Variants in FRS2 observed in about 807,000 individuals in gnomAD.
FRS2 encodes the protein fibroblast growth factor receptor substrate 2, also known as FGFR signalling adaptor.
Under a neutral mutation model 43.9 loss-of-function variants are expected in FRS2, and 8 were observed. The observed-to-expected ratio is 0.18, with a 90% confidence interval of 0.11 to 0.33. FRS2 has a LOEUF of 0.33. Ranked by LOEUF, FRS2 falls within the 10% of genes least tolerant of loss-of-function variation. The pLI is 1.00. For synonymous variants in FRS2, 219 were observed against 220.3 expected, an observed-to-expected ratio of 0.99 and a Z score of 0.05; for missense variants, 534 against 627.6, an observed-to-expected ratio of 0.85 and a Z score of 1.59.
At chr12:69,517,572 C>G (rs1433620375) in intron 1 of FRS2, among the ~76,000 whole-genome samples, 1 of 151,990 alleles carries the variant, frequency 6.6e-6, no homozygotes, top group Non-Finnish European at 1.5e-5. Context: ...TGACCCTAGA[C>G]TGTCCTAAAG....
chr12:69,532,774 G>T (rs983726161), intron 3 of FRS2, among the ~76,000 whole-genome samples: 1 of 152,176 alleles, frequency 6.6e-6, no homozygotes, highest in Non-Finnish European at 1.5e-5. Flanking sequence ...TTATATATCA[G>T]CACTTAAGTA....
chr12:69,566,830 C>T (rs765132572), intron 4 of FRS2, among the ~76,000 whole-genome samples: 14 of 152,250 alleles, frequency 9.2e-5, no homozygotes, highest in Admixed American at 6.5e-5. Flanking sequence ...ACTGGAAGAT[C>T]AAGTCTCAAA....
intron 3 of FRS2, among the ~76,000 whole-genome samples, chr12:69,553,088 C>T (rs1373212487): frequency 2.7e-5 from 4 of 146,954 alleles, no homozygotes; most frequent in East Asian, 1.9e-4. Flanking sequence ...TGTTTTTAGA[C>T]GGAGTCTCAG....
chr12:69,506,104 A>G (rs1485202122), intron 1 of FRS2, among the ~76,000 whole-genome samples: 1 of 152,168 alleles, frequency 6.6e-6, no homozygotes, highest in Non-Finnish European at 1.5e-5. Context: ...TTTTTACCCG[A>G]ACACTATTTG....
At chr12:69,509,416 G>A (rs1331122230) in intron 1 of FRS2, among the ~76,000 whole-genome samples, 1 of 152,170 alleles carries the variant, frequency 6.6e-6, no homozygotes, top group Non-Finnish European at 1.5e-5. Context: ...TCAACTTGCT[G>A]CTGCTTTTTT....
chr12:69,495,009 G>A (rs1029345774), intron 1 of FRS2, among the ~76,000 whole-genome samples: 2 of 152,036 alleles, frequency 1.3e-5, no homozygotes, highest in East Asian at 3.9e-4. Context: ...CCTGACCTCA[G>A]ATCCACCCAC....
chr12:69,520,375 A>ATTT, intron 1 of FRS2, among the ~76,000 whole-genome samples: 1 of 97,610 alleles, frequency 1.0e-5, no homozygotes, highest in Admixed American at 9.8e-5. Flanking sequence ...CTCTATTATT[A>ATTT]GTTTTTTTTT....
intron 3 of FRS2, among the ~76,000 whole-genome samples, chr12:69,539,240 A>G (rs1207016708): frequency 1.3e-5 from 2 of 151,826 alleles, no homozygotes; most frequent in Non-Finnish European, 2.9e-5. Context: ...ATGCCTGGCA[A>G]ATTTTTTGTA....
At chr12:69,520,376 G>GTTTTTTTTT (rs112572825) in intron 1 of FRS2, among the ~76,000 whole-genome samples, 1 of 110,036 alleles carries the variant, frequency 9.1e-6, no homozygotes, top group Non-Finnish European at 1.8e-5. Flanking sequence ...TCTATTATTA[G>GTTTTTTTTT]TTTTTTTTTT....
At chr12:69,508,852 C>G (rs2135567175) in intron 1 of FRS2, among the ~76,000 whole-genome samples, 1 of 152,276 alleles carries the variant, frequency 6.6e-6, no homozygotes, top group Admixed American at 6.5e-5. Flanking sequence ...ATCTTAATCT[C>G]TCTACTGCCC....
chr12:69,526,727 C>CTT (rs1175830236), intron 1 of FRS2, among the ~76,000 whole-genome samples: 7 of 144,454 alleles, frequency 4.8e-5, no homozygotes, highest in African/African-American at 1.0e-4. Flanking sequence ...AGTGTAGAAA[C>CTT]TTTTTTTTTT....
intron 1 of FRS2, among the ~76,000 whole-genome samples, chr12:69,502,122 C>T (rs1271016043): frequency 2.0e-5 from 3 of 152,008 alleles, no homozygotes; most frequent in South Asian, 2.1e-4. Flanking sequence ...CCTGCCACCA[C>T]GCCCGGCTAA....
intron 8 of FRS2, among the ~76,000 whole-genome samples, chr12:69,573,156 T>C (rs184827008): frequency 3.2e-4 from 49 of 152,302 alleles, no homozygotes; most frequent in Non-Finnish European, 5.4e-4. Flanking sequence ...TTATATTATC[T>C]CCCCAAAATA....
At chr12:69,470,885 G>T (rs1238878438) in intron 1 of FRS2, among the ~76,000 whole-genome samples, 2 of 152,164 alleles carry the variant, frequency 1.3e-5, no homozygotes, top group African/African-American at 4.8e-5. Flanking sequence ...GCCTGGGGTA[G>T]TAGCTGGACA....
chr12:69,534,265 G>T (rs1168326992), intron 3 of FRS2, among the ~76,000 whole-genome samples: 1 of 152,122 alleles, frequency 6.6e-6, no homozygotes, highest in Non-Finnish European at 1.5e-5. Flanking sequence ...GTTTATAAAA[G>T]AACAGTTATT....
At chr12:69,496,522 A>G (rs1343580871) in intron 1 of FRS2, among the ~76,000 whole-genome samples, 5 of 152,202 alleles carry the variant, frequency 3.3e-5, no homozygotes, top group African/African-American at 1.2e-4. Context: ...GTATATCTAC[A>G]TATTTTTGAA....
chr12:69,516,881 A>G (rs571106767), intron 1 of FRS2, among the ~76,000 whole-genome samples: 2 of 152,212 alleles, frequency 1.3e-5, no homozygotes, highest in Non-Finnish European at 2.9e-5. Flanking sequence ...TTAGTGAATC[A>G]GTTTTGAAAT....
At chr12:69,512,744 T>C (rs1392106244) in intron 1 of FRS2, among the ~76,000 whole-genome samples, 3 of 152,210 alleles carry the variant, frequency 2.0e-5, no homozygotes, top group African/African-American at 4.8e-5. Flanking sequence ...AATGAAGTTA[T>C]AGACACTATA....
At chr12:69,488,758 C>A (rs963905359) in intron 1 of FRS2, among the ~76,000 whole-genome samples, 3 of 152,190 alleles carry the variant, frequency 2.0e-5, no homozygotes, top group African/African-American at 7.2e-5. Context: ...CAACCTTTTT[C>A]CTCATAATTC....
Sources: allele counts gnomAD v4.1 joint callset (sites outside exome capture counted in the v4.1 genomes callset), GRCh38; gene constraint gnomAD v4.1.1; transcripts MANE v1.5; gene names NCBI Gene and HGNC (gene_info 2026-07-23, HGNC 2026-07-21).